Variants in ADCY2 observed in about 807,000 individuals in gnomAD.
ADCY2 encodes the protein adenylate cyclase 2, also known as adenylate cyclase type 2.
Under a neutral mutation model 125.2 loss-of-function variants are expected in ADCY2, and 31 were observed. That is an observed-to-expected ratio of 0.25 (90% CI 0.19 to 0.33). The LOEUF is 0.33. ADCY2 is among the 10% of genes least tolerant of loss of function. The probability of loss-of-function intolerance (pLI) is 1.00; values close to 1 mark genes in which losing one functional copy is unlikely to be tolerated. For missense variants in ADCY2, 904 were observed against 1,418.2 expected, an observed-to-expected ratio of 0.64 and a Z score of 5.82; for synonymous variants, 512 against 548.4, an observed-to-expected ratio of 0.93 and a Z score of 0.93.
chr5:7,644,930 C>T (rs1390747786), intron 4 of ADCY2, among the ~76,000 whole-genome samples: 5 of 152,176 alleles, frequency 3.3e-5, no homozygotes, highest in Non-Finnish European at 5.9e-5. Flanking sequence ...AGTCTGTTAA[C>T]ACCCTAGTTA....
At chr5:7,762,307 G>T (rs938282074) in intron 16 of ADCY2, among the ~76,000 whole-genome samples, 2 of 152,264 alleles carry the variant, frequency 1.3e-5, no homozygotes, top group African/African-American at 4.8e-5. Flanking sequence ...CCTGGCTGTA[G>T]AGCCTTGTTT....
At chr5:7,789,527 T>G in intron 19 of ADCY2, 115 bp from the exon 20 acceptor site, 1 of 1,018,066 alleles carries the variant, frequency 9.8e-7, no homozygotes, top group South Asian at 1.5e-5. Context: ...GAAGTTCTGT[T>G]TGGGGGTTCT....
intron 2 of ADCY2, among the ~76,000 whole-genome samples, chr5:7,432,413 G>T (rs1740637702): frequency 6.6e-6 from 1 of 152,150 alleles, no homozygotes; most frequent in Admixed American, 6.5e-5. Context: ...ACTCCTTCTG[G>T]GGCTTCAGGG....
chr5:7,737,316 G>A (rs1742278717), intron 14 of ADCY2, among the ~76,000 whole-genome samples: 1 of 152,192 alleles, frequency 6.6e-6, no homozygotes, highest in Non-Finnish European at 1.5e-5. Flanking sequence ...AAACAGGATA[G>A]AGGTGTTGTT....
chr5:7,440,954 A>C (rs915994908), intron 2 of ADCY2, among the ~76,000 whole-genome samples: 5 of 152,158 alleles, frequency 3.3e-5, no homozygotes, highest in Non-Finnish European at 7.3e-5. Context: ...GTTACAGGTG[A>C]GAAAACCAAG....
chr5:7,599,994 T>G (rs1737148628), intron 3 of ADCY2, among the ~76,000 whole-genome samples: 1 of 152,126 alleles, frequency 6.6e-6, no homozygotes, highest in Non-Finnish European at 1.5e-5. Context: ...ATAGACCACA[T>G]TATCAGCAGG....
At chr5:7,534,677 T>C (rs1305797180) in intron 3 of ADCY2, among the ~76,000 whole-genome samples, 3 of 152,252 alleles carry the variant, frequency 2.0e-5, no homozygotes, top group Non-Finnish European at 2.9e-5. Context: ...TTCTAATCCC[T>C]GGGCATTCCT....
At chr5:7,826,516 A>T in intron 24 of ADCY2, 1 of 703,454 alleles carries the variant, frequency 1.4e-6, no homozygotes, top group Non-Finnish European at 2.5e-6. Flanking sequence ...CCAGTTTTTC[A>T]CTATCCCAGC....
At chr5:7,584,953 T>C (rs1024527708) in intron 3 of ADCY2, among the ~76,000 whole-genome samples, 2 of 152,058 alleles carry the variant, frequency 1.3e-5, no homozygotes, top group South Asian at 2.1e-4. Context: ...CTAAAAATAA[T>C]GCTGACAATG....
At chr5:7,514,328 T>C (rs1360651095) in intron 2 of ADCY2, among the ~76,000 whole-genome samples, 1 of 152,194 alleles carries the variant, frequency 6.6e-6, no homozygotes, top group East Asian at 1.9e-4. Flanking sequence ...GTACCTCAAC[T>C]CTTCTCCATT....
intron 15 of ADCY2, among the ~76,000 whole-genome samples, chr5:7,751,795 C>T (rs950143875): frequency 1.3e-5 from 2 of 152,100 alleles, no homozygotes; most frequent in South Asian, 2.1e-4. Flanking sequence ...AAGCTCACCC[C>T]CTAAGTGCCA....
chr5:7,428,734 G>C (rs944960604), intron 2 of ADCY2, among the ~76,000 whole-genome samples: 6 of 152,180 alleles, frequency 3.9e-5, no homozygotes, highest in African/African-American at 1.2e-4. Context: ...ACCTTGAACA[G>C]CTAAAAAACA....
chr5:7,469,340 T>G (rs1742246483), intron 2 of ADCY2, among the ~76,000 whole-genome samples: 1 of 152,018 alleles, frequency 6.6e-6, no homozygotes, highest in Non-Finnish European at 1.5e-5. Flanking sequence ...TTATTTATAC[T>G]ATATGGTTAA....
chr5:7,741,702 A>ATCATCACCTTCATCACCATC (rs1742424411), intron 14 of ADCY2, among the ~76,000 whole-genome samples: 2 of 5,414 alleles, frequency 3.7e-4, no homozygotes, highest in Non-Finnish European at 3.6e-4. Context: ...TCATCACCAT[A>ATCATCACCTTCATCACCATC]ACCATCTCTA....
At chr5:7,582,382 C>T (rs1736465343) in intron 3 of ADCY2, among the ~76,000 whole-genome samples, 1 of 151,882 alleles carries the variant, frequency 6.6e-6, no homozygotes, top group African/African-American at 2.4e-5. Context: ...CAAGCCATTT[C>T]AAAAATTAAA....
chr5:7,727,970 A>G (rs368151828), intron 14 of ADCY2, among the ~76,000 whole-genome samples: 123 of 152,260 alleles, frequency 8.1e-4, no homozygotes, highest in Middle Eastern at 3.4e-3. Flanking sequence ...GCTAATTCTC[A>G]TTTTATGATC....
chr5:7,396,262 G>C lies in ADCY2; in HGVS notation c.-35G>C. On this transcript the variant is annotated 5_prime_UTR_variant, in exon 1 of 25. Transcript: ENST00000338316. This position sits in a 1 kb window ranked among gnomAD's most constrained non-coding sequence, Gnocchi z 5.7. The stretch of plus-strand genomic sequence containing the variant: ...CGCGGCGAGCGGCGCTGCCCGGGCC[G>C]GGCGCGCACGGCGGGCGCCCTGTGA... 2.8e-6 allele frequency: 3 copies of C among 1,071,538 alleles called. No individual in the cohort carries two copies. The highest frequency in any genetic ancestry group is 3.4e-6 in the Non-Finnish European group (3 of 884,448). The allele number at this position is 1,071,538 out of a possible 1,614,324, so 66.4% of individuals were successfully genotyped here. A position where few individuals can be genotyped will look rare whatever the true frequency, so the allele number is the denominator to read the frequency against.
At chr5:7,598,917 G>A (rs539629451) in intron 3 of ADCY2, among the ~76,000 whole-genome samples, 8 of 152,352 alleles carry the variant, frequency 5.3e-5, no homozygotes, top group African/African-American at 1.9e-4. Context: ...GGACTTCAGA[G>A]TTGAAGGAGA....
At chr5:7,646,610 C>T (rs376560370) in intron 4 of ADCY2, among the ~76,000 whole-genome samples, 3 of 152,088 alleles carry the variant, frequency 2.0e-5, no homozygotes, top group Middle Eastern at 3.2e-3. Context: ...TATTTTCTTC[C>T]GTCTATGTGC....
Sources: allele counts gnomAD v4.1 joint callset (sites outside exome capture counted in the v4.1 genomes callset), GRCh38; gene constraint gnomAD v4.1.1; non-coding constraint Gnocchi (gnomAD v3.1); transcripts MANE v1.5; gene names NCBI Gene and HGNC (gene_info 2026-07-23, HGNC 2026-07-21).